SCEL: variants seen among roughly 807,000 people sequenced by gnomAD.
SCEL encodes the protein sciellin.
In SCEL, 113 loss-of-function variants were observed where a neutral mutation model predicts 117.6. That is an observed-to-expected ratio of 0.96 (90% CI 0.83 to 1.12). The LOEUF is 1.12. Among genes scored for constraint, SCEL ranks in the 50% most tolerant of loss-of-function variants. The pLI, the probability that SCEL is intolerant of heterozygous loss-of-function variation, is 0.00. For synonymous variants in SCEL, 270 were observed against 256.2 expected (o/e 1.05, Z -0.51); for missense variants, 785 against 810.8 (o/e 0.97, Z 0.39).
intron 19 of SCEL, among the ~76,000 whole-genome samples, chr13:77,604,938 G>A (rs8002111): frequency 0.1 from 15,717 of 151,990 alleles, 1,350 homozygotes; most frequent in East Asian, 0.44. Context: ...TGATCTACAT[G>A]CGTGTGTGTG....
Position 77,568,893 on chromosome 13 carries a change from C to A in SCEL, c.399-478C>A, listed in dbSNP as rs17067953. Among the ~76,000 whole-genome samples the A allele has an allele frequency of 1.4e-3, 215 of 152,284 alleles. 1 individual carries two copies. The highest frequency in any genetic ancestry group is 4.9e-3 in the African/African-American group (203 of 41,556). ...AAAGTAATTTATACACTGGATCACACCTCTCAGTGCTTGAAATGGGCCTGG... is the reference window on the plus strand; with the variant it reads ...AAAGTAATTTATACACTGGATCACAACTCTCAGTGCTTGAAATGGGCCTGG... On this transcript the variant is annotated intron_variant, in intron 7 of 32. Coordinates refer to ENST00000349847, the MANE Select transcript of SCEL (RefSeq NM_144777.3).
intron 19 of SCEL, among the ~76,000 whole-genome samples, chr13:77,607,333 G>A (rs2088284465): frequency 6.6e-6 from 1 of 152,216 alleles, no homozygotes; most frequent in Admixed American, 6.5e-5. Flanking sequence ...TTGCAGGAAT[G>A]AGCCACCATG....
At chr13:77,559,568 A>C (rs997976808) in intron 3 of SCEL, among the ~76,000 whole-genome samples, 1 of 151,992 alleles carries the variant, frequency 6.6e-6, no homozygotes. Context: ...TTGTTGAATC[A>C]TGTGGAAACC....
chr13:77,593,299 T>TGCGCGCGCGC (rs1567392034), intron 11 of SCEL, among the ~76,000 whole-genome samples: 1 of 109,030 alleles, frequency 9.2e-6, no homozygotes, highest in Non-Finnish European at 2.0e-5. Flanking sequence ...TGTGTGTGTC[T>TGCGCGCGCGC]GTGTGTGTGT....
intron 28 of SCEL, among the ~76,000 whole-genome samples, chr13:77,632,017 A>G (rs181522953): frequency 1.2e-4 from 18 of 152,336 alleles, no homozygotes; most frequent in Admixed American, 1.2e-3. Context: ...TCCTCTGTAC[A>G]CAGAAGGTAA....
intron 3 of SCEL, 131 bp downstream of exon 3, chr13:77,556,844 G>A (rs1415240772): frequency 1.2e-5 from 8 of 676,522 alleles, no homozygotes; most frequent in East Asian, 2.6e-5. Flanking sequence ...CTAATTTTTG[G>A]TGAGACTTAG....
intron 28 of SCEL, among the ~76,000 whole-genome samples, chr13:77,628,996 C>T (rs2089907902): frequency 1.3e-5 from 2 of 152,096 alleles, no homozygotes; most frequent in Non-Finnish European, 2.9e-5. Context: ...TTTAACTAAT[C>T]TCATTCAAGT....
chr13:77,571,644 G>A (rs1381858257), intron 8 of SCEL, among the ~76,000 whole-genome samples: 3 of 151,410 alleles, frequency 2.0e-5, no homozygotes, highest in Admixed American at 1.3e-4. Flanking sequence ...AGCGGAGATC[G>A]CGCCATTACA....
intron 9 of SCEL, among the ~76,000 whole-genome samples, chr13:77,572,716 T>C (rs1453416380): frequency 2.0e-5 from 3 of 152,234 alleles, no homozygotes; most frequent in Admixed American, 1.3e-4. Context: ...CAAATTTCCC[T>C]TTGTTATAAA....
intron 3 of SCEL, 32 bp downstream of exon 3, chr13:77,556,745 G>A (rs1388062681): frequency 7.1e-7 from 1 of 1,405,196 alleles, no homozygotes; most frequent in South Asian, 1.2e-5. Context: ...TGGGTGGACA[G>A]AAGGGCAGAG....
Position 77,589,129 on chromosome 13 carries a change from T to A in SCEL, c.546-15T>A. 1 of 1,595,344 alleles carries A rather than the reference T, an allele frequency of 6.3e-7. No individual in the cohort carries two copies. Among genetic ancestry groups the A allele is most frequent in the Non-Finnish European group, 8.6e-7 (1 of 1,165,100 alleles). On this transcript the variant is annotated splice_polypyrimidine_tract_variant and intron_variant, in intron 9 of 32. Coordinates refer to ENST00000349847, the MANE Select transcript of SCEL (RefSeq NM_144777.3). The stretch of plus-strand genomic sequence containing the variant: ...GTTTCCATGGTGAAATGAACTGCTG[T>A]TTTCTGTTTTAAAGGGAACCAGGTG...
chr13:77,546,815 C>T (rs1175489455), intron 1 of SCEL, among the ~76,000 whole-genome samples: 1 of 152,080 alleles, frequency 6.6e-6, no homozygotes, highest in Non-Finnish European at 1.5e-5. Context: ...GAACCGGGTC[C>T]CTTCTAACTT....
chr13:77,560,013 G>C (rs2084884548), intron 4 of SCEL, 150 bp downstream of exon 4: 1 of 711,494 alleles, frequency 1.4e-6, no homozygotes, highest in Non-Finnish European at 2.4e-6. Context: ...GATATCATCA[G>C]AGGTTTCCAC....
chr13:77,616,479 C>T lies in SCEL; in HGVS notation c.1452-1120C>T, dbSNP rs528759631. On this transcript the variant is annotated intron_variant, in intron 24 of 32. Transcript: ENST00000349847. ...GGATAGTTTTAATATATCAATCATT[C>T]TTTTAATAGTATTTATAGATATCAA... Among the ~76,000 whole-genome samples the T allele has an allele frequency of 1.8e-4, 27 of 151,994 alleles. 1 individual carries two copies. The South Asian group carries it at 5.0e-3, about 28-fold the overall frequency.
chr13:77,635,512 C>T (rs1326197008), intron 29 of SCEL, among the ~76,000 whole-genome samples: 1 of 152,110 alleles, frequency 6.6e-6, no homozygotes, highest in African/African-American at 2.4e-5. Flanking sequence ...TGGGATGTCA[C>T]ATCAATACAT....
rs1057118328 is a variant in SCEL at position 77,612,894 on chromosome 13, C to T, written c.1341C>T (p.Asn447=). Residue 447 remains asparagine (N), a synonymous_variant, in exon 23 of 33, where the codon AAC becomes AAT. Transcript: ENST00000349847. ...TPERNRTNQG[N]QDLENLIKVI... The stretch of plus-strand genomic sequence containing the variant: ...TTGAAACTTAACATTTTTTTAGGAA[C>T]CAAGACTTGGAAAATCTTATCAAAG... 6.5e-7 allele frequency: 1 copy of T among 1,546,142 alleles called. No homozygotes were observed. Among genetic ancestry groups the T allele is most frequent in the South Asian group, 1.2e-5 (1 of 80,716 alleles).
intron 3 of SCEL, among the ~76,000 whole-genome samples, chr13:77,557,352 T>C (rs1028486898): frequency 6.6e-6 from 1 of 152,210 alleles, no homozygotes; most frequent in African/African-American, 2.4e-5. Flanking sequence ...AATAGGTATT[T>C]GTCCAGCAAT....
intron 12 of SCEL, chr13:77,596,919 C>T (rs2087270997): frequency 6.6e-6 from 1 of 152,170 alleles, no homozygotes; most frequent in Non-Finnish European, 1.5e-5. Flanking sequence ...GCTCCTGAAG[C>T]AGCAGCCAGA....
At chr13:77,601,967 G>A in intron 15 of SCEL, 98 bp from the exon 16 acceptor site, 3 of 871,686 alleles carry the variant, frequency 3.4e-6, no homozygotes, top group Non-Finnish European at 5.2e-6. Flanking sequence ...ATTCTCTTGT[G>A]GGAAATCTGC....
Sources: allele counts gnomAD v4.1 joint callset (sites outside exome capture counted in the v4.1 genomes callset), GRCh38; gene constraint gnomAD v4.1.1; transcripts MANE v1.5; gene names NCBI Gene and HGNC (gene_info 2026-07-23, HGNC 2026-07-21).